Variants in GABRB1 observed in about 807,000 individuals in gnomAD.
GABRB1 encodes the protein gamma-aminobutyric acid receptor subunit beta-1.
Under a neutral mutation model 51.6 loss-of-function variants are expected in GABRB1, and 17 were observed. The observed-to-expected ratio is 0.33, with a 90% CI of 0.23 to 0.49. The LOEUF (loss-of-function observed/expected upper bound fraction) is 0.49. Among genes scored for constraint, GABRB1 ranks in the 20% least tolerant of loss-of-function variants. The pLI is 0.99. For missense variants in GABRB1, 410 were observed against 600.6 expected, an observed-to-expected ratio of 0.68 and a Z score of 3.32; for synonymous variants, 247 against 218.9, an observed-to-expected ratio of 1.13 and a Z score of -1.14.
intron 4 of GABRB1, among the ~76,000 whole-genome samples, chr4:47,168,674 AT>A (rs1230159488): frequency 2.6e-5 from 4 of 152,162 alleles, no homozygotes; most frequent in Non-Finnish European, 4.4e-5. Flanking sequence ...AGATTCAGAT[AT>A]ATTGACAGCG....
intron 3 of GABRB1, among the ~76,000 whole-genome samples, chr4:47,069,906 T>A (rs1727247381): frequency 6.6e-6 from 1 of 152,170 alleles, no homozygotes; most frequent in Non-Finnish European, 1.5e-5. Flanking sequence ...TTTCCGGTAC[T>A]CCACCAGAAC....
chr4:47,153,623 C>A (rs1013459202), intron 3 of GABRB1, among the ~76,000 whole-genome samples: 2 of 151,990 alleles, frequency 1.3e-5, no homozygotes, highest in Non-Finnish European at 2.9e-5. Context: ...TATTGGAATC[C>A]ATACTCCAGT....
At chr4:47,081,230 G>A (rs188582972) in intron 3 of GABRB1, among the ~76,000 whole-genome samples, 1 of 152,210 alleles carries the variant, frequency 6.6e-6, no homozygotes, top group East Asian at 1.9e-4. Context: ...TAATTATGGG[G>A]TATAGCAGTG....
chr4:47,309,171 C>T (rs1428811610), intron 4 of GABRB1, among the ~76,000 whole-genome samples: 1 of 152,198 alleles, frequency 6.6e-6, no homozygotes, highest in South Asian at 2.1e-4. Flanking sequence ...CTCAGCCAGA[C>T]ATTCATGGTA....
rs138238968 is a variant in GABRB1, at chr4:47,292,945, C to T, written c.462-27182C>T. 4.7e-3 allele frequency among the ~76,000 whole-genome samples: 721 copies of T among 152,282 alleles called. 7 individuals carry two copies. The highest frequency in any genetic ancestry group is 0.011 in the African/African-American group (459 of 41,548). On this transcript the variant is annotated intron_variant, in intron 4 of 8. Coordinates refer to ENST00000295454, the MANE Select transcript of GABRB1 (RefSeq NM_000812.4). The stretch of plus-strand genomic sequence containing the variant: ...GCCAAGTCACCTCTTAATAGTCCAA[C>T]CTTTTAATATTGTTACAATGGCAAT...
Position 47,400,526 on chromosome 4 carries a change from GTC to G in GABRB1, c.545-2765_545-2764del, listed in dbSNP as rs56896606. Among the ~76,000 whole-genome samples the G allele has an allele frequency of 4.0e-3, 471 of 117,156 alleles. 2 individuals carry two copies. The highest frequency in any genetic ancestry group is 7.9e-3 in the African/African-American group (265 of 33,364). 76.9% of individuals were successfully genotyped at this position (117,156 alleles called of 152,430 possible). ...CAGCCTGTTGATGCACCAGGAGGTA[GTC>G]TCTCTCTCTCTCTCTCTCTCTCTCT... On this transcript the variant is annotated intron_variant, in intron 5 of 8. Transcript: ENST00000295454.
chr4:47,106,189 A>T (rs1043540639), intron 3 of GABRB1, among the ~76,000 whole-genome samples: 3 of 152,132 alleles, frequency 2.0e-5, no homozygotes, highest in Admixed American at 6.6e-5. Context: ...ACATTTTAAA[A>T]TACTTCTGTT....
At chr4:47,001,116 T>G (rs13116518) in intron 1 of GABRB1, among the ~76,000 whole-genome samples, 2 of 151,950 alleles carry the variant, frequency 1.3e-5, no homozygotes, top group Non-Finnish European at 2.9e-5. Flanking sequence ...GGTAAGATAT[T>G]ATTTTAATTT....
At position 47,285,353 on chromosome 4, in the gene GABRB1, A is replaced by C. The variant is rs80022218; in HGVS notation, c.462-34774A>C. ...TAGCTTCCCAATGTAATTATAACTA[A>C]AGTTTTATTTCTTTTTAAACAGCAC... is the stretch of plus-strand genomic sequence containing the variant. On this transcript the variant is annotated intron_variant, in intron 4 of 8. Coordinates refer to ENST00000295454, the MANE Select transcript of GABRB1 (RefSeq NM_000812.4). Among the ~76,000 whole-genome samples, 10 of 152,292 alleles carry C rather than the reference A, an allele frequency of 6.6e-5. No homozygotes were observed. In the East Asian group the frequency reaches 1.9e-3, roughly 29 times the overall value.
chr4:47,358,955 G>A (rs570487327), intron 5 of GABRB1, among the ~76,000 whole-genome samples: 1 of 152,094 alleles, frequency 6.6e-6, no homozygotes, highest in East Asian at 1.9e-4. Flanking sequence ...TAACACTATT[G>A]GAAGCCAAGG....
chr4:47,141,938 G>A (rs927341239), intron 3 of GABRB1, among the ~76,000 whole-genome samples: 26 of 151,928 alleles, frequency 1.7e-4, no homozygotes, highest in African/African-American at 5.8e-4. Flanking sequence ...TTGTTTGCCT[G>A]GATTATGTAC....
At chr4:47,032,563 C>A in intron 3 of GABRB1, 79 bp downstream of exon 3, 1 of 1,382,376 alleles carries the variant, frequency 7.2e-7, no homozygotes, top group East Asian at 2.3e-5. Flanking sequence ...CTCTGCGTTT[C>A]ATTGGCGGTC....
intron 4 of GABRB1, among the ~76,000 whole-genome samples, chr4:47,257,134 C>T (rs781455532): frequency 3.3e-5 from 5 of 152,066 alleles, no homozygotes; most frequent in East Asian, 1.9e-4. Flanking sequence ...GAGAGTGAGG[C>T]CATGTTTTAT....
At chr4:47,419,014 T>C (rs1243705136) in intron 8 of GABRB1, among the ~76,000 whole-genome samples, 1 of 152,238 alleles carries the variant, frequency 6.6e-6, no homozygotes, top group Non-Finnish European at 1.5e-5. Context: ...CTAAATACAT[T>C]AAAAGATATA....
chr4:47,052,470 C>T (rs1419820034), intron 3 of GABRB1, among the ~76,000 whole-genome samples: 4 of 152,214 alleles, frequency 2.6e-5, no homozygotes, highest in African/African-American at 7.2e-5. Flanking sequence ...CCCATACATA[C>T]CACATGCGCA....
At chr4:47,136,619 A>G (rs1378257019) in intron 3 of GABRB1, among the ~76,000 whole-genome samples, 1 of 152,190 alleles carries the variant, frequency 6.6e-6, no homozygotes, top group East Asian at 1.9e-4. Flanking sequence ...ATAGGTTTAC[A>G]AACTCTAGGG....
chr4:47,378,234 A>T (rs1374125300), intron 5 of GABRB1, among the ~76,000 whole-genome samples: 1 of 152,230 alleles, frequency 6.6e-6, no homozygotes, highest in Admixed American at 6.5e-5. Flanking sequence ...AATCGAGCGC[A>T]GCGCCAGTGG....
intron 4 of GABRB1, among the ~76,000 whole-genome samples, chr4:47,317,804 A>G (rs1476658060): frequency 6.6e-6 from 1 of 151,770 alleles, no homozygotes; most frequent in African/African-American, 2.4e-5. Flanking sequence ...AGCGCAAATG[A>G]CCAAAGCAAT....
At chr4:47,166,938 T>C (rs1269707125) in intron 4 of GABRB1, among the ~76,000 whole-genome samples, 2 of 152,144 alleles carry the variant, frequency 1.3e-5, no homozygotes, top group Non-Finnish European at 2.9e-5. Flanking sequence ...TCTCATTTGA[T>C]GCCCTACTGC....
Sources: gnomAD v4.1 joint callset for allele counts (sites outside exome capture counted in the v4.1 genomes callset) on GRCh38, gnomAD v4.1.1 for gene constraint, MANE v1.5 for transcripts, NCBI Gene and HGNC (gene_info 2026-07-23, HGNC 2026-07-21) for gene names.